OR1S1: variants seen among roughly 807,000 people sequenced by gnomAD.
The protein encoded by OR1S1 is olfactory receptor 1S1.
For missense variants in OR1S1, 411 were observed against 367.5 expected (o/e 1.12, Z -0.97); for synonymous variants, 156 against 143.9 (o/e 1.08, Z -0.60).
exon 2 of OR1S1, chr11:58,215,071 C>A (rs1405842772): frequency 1.2e-6 from 2 of 1,614,016 alleles, no homozygotes; most frequent in African/African-American, 1.3e-5. Context: ...CTTATGAGAG[C>A]TGCATCACAC....
exon 2 of OR1S1, chr11:58,215,147 C>G (rs569766890): frequency 6.2e-7 from 1 of 1,614,118 alleles, no homozygotes; most frequent in Non-Finnish European, 8.5e-7. Context: ...GGCCTATGAC[C>G]ACTTTGTGGC....
chr11:58,215,976 G>A, exon 2 of OR1S1: 2 of 464,612 alleles, frequency 4.3e-6, no homozygotes, highest in Non-Finnish European at 7.7e-6. Flanking sequence ...CCCAGGGGTG[G>A]GAAGATGGAA....
exon 2 of OR1S1, chr11:58,215,333 C>T (rs1355495365): frequency 1.9e-6 from 3 of 1,613,612 alleles, no homozygotes; most frequent in South Asian, 1.1e-5. Context: ...CTTGGCCCCT[C>T]TGCTCAAACT....
chr11:58,215,017 C>A, exon 2 of OR1S1: 2 of 1,614,152 alleles, frequency 1.2e-6, no homozygotes, highest in Non-Finnish European at 1.7e-6. Context: ...CCAACTCAGT[C>A]CCCAAAATGC....
chr11:58,215,244 T>G (rs1186047386), exon 2 of OR1S1: 2 of 1,614,026 alleles, frequency 1.2e-6, no homozygotes, highest in South Asian at 2.2e-5. Flanking sequence ...CTCAGTAATA[T>G]TATTGCTCTG....
At chr11:58,215,257 A>C in exon 2 of OR1S1, 2 of 1,613,706 alleles carry the variant, frequency 1.2e-6, no homozygotes, top group Non-Finnish European at 1.7e-6. Context: ...TTGCTCTGAC[A>C]CACACCCTTC....
chr11:58,215,724 G>A (rs1258937174), exon 2 of OR1S1: 2 of 1,607,930 alleles, frequency 1.2e-6, no homozygotes, highest in African/African-American at 2.7e-5. Flanking sequence ...TCCCTTTGAT[G>A]CCCTGGACCT....
exon 2 of OR1S1, chr11:58,215,050 T>C (rs367962921): frequency 2.9e-5 from 46 of 1,613,714 alleles, no homozygotes; most frequent in African/African-American, 1.1e-4. Context: ...AAACCAAGAG[T>C]CAATCCATCT....
At chr11:58,215,526 T>A in exon 2 of OR1S1, 1 of 1,614,006 alleles carries the variant, frequency 6.2e-7, no homozygotes, top group Non-Finnish European at 8.5e-7. Context: ...CTGACAGTTG[T>A]ATTACTGTTC....
exon 2 of OR1S1, chr11:58,215,600 A>T (rs369152949): frequency 6.2e-7 from 1 of 1,614,050 alleles, no homozygotes; most frequent in African/African-American, 1.3e-5. Flanking sequence ...CACTGATAAG[A>T]TTGGTGCTGT....
intron 1 of OR1S1, among the ~76,000 whole-genome samples, chr11:58,213,175 T>G (rs1854976213): frequency 6.6e-6 from 1 of 152,180 alleles, no homozygotes; most frequent in South Asian, 2.1e-4. Flanking sequence ...AGAAAATCTT[T>G]GAGAGATAAG....
chr11:58,213,841 A>T (rs757481793), intron 1 of OR1S1, among the ~76,000 whole-genome samples: 1 of 151,982 alleles, frequency 6.6e-6, no homozygotes, highest in Non-Finnish European at 1.5e-5. Flanking sequence ...TCTCTTTAAG[A>T]TCTCTCTTTC....
chr11:58,215,200 G>T lies in OR1S1; in HGVS notation c.417G>T (p.Arg139Ser), dbSNP rs370722638. 70 of 1,614,098 alleles carry T rather than the reference G, an allele frequency of 4.3e-5. No individual in the cohort carries two copies. Among genetic ancestry groups the T allele is most frequent in the Non-Finnish European group, 5.7e-5 (67 of 1,180,012 alleles). The change falls in exon 2 of 2, where the codon AGG becomes AGT. Residue 139 changes from arginine (R) to serine (S), a missense_variant. Transcript: ENST00000641544. ...ATTATACAATTCTCATGCGGCCCAGGTTCGGCATTTTGCTCACAGTCATCT... is the reference window on the plus strand; with the variant it reads ...ATTATACAATTCTCATGCGGCCCAGTTTCGGCATTTTGCTCACAGTCATCT...
exon 2 of OR1S1, chr11:58,214,758 G>T (rs1252184647): frequency 3.1e-6 from 5 of 1,613,432 alleles, no homozygotes; most frequent in African/African-American, 2.7e-5. Context: ...AAGACTTTTA[G>T]TTCCTTTCTT....
chr11:58,214,168 G>A (rs12787110), intron 1 of OR1S1, among the ~76,000 whole-genome samples: 14,018 of 152,118 alleles, frequency 0.092, 719 homozygotes, highest in Middle Eastern at 0.13. Flanking sequence ...ATTTTCTTGA[G>A]GCTAATATGT....
chr11:58,214,933 C>T, exon 2 of OR1S1: 13 of 1,614,138 alleles, frequency 8.1e-6, no homozygotes, highest in Non-Finnish European at 1.1e-5. Context: ...TGGCTATCAG[C>T]TTGGATACGT....
intron 1 of OR1S1, among the ~76,000 whole-genome samples, chr11:58,213,684 A>G (rs1286427330): frequency 1.3e-5 from 2 of 152,190 alleles, no homozygotes; most frequent in African/African-American, 4.8e-5. Flanking sequence ...AAGTGTTCAT[A>G]TCTGTTGCCA....
chr11:58,214,714 A>T lies in OR1S1; in HGVS notation c.-55-15A>T, dbSNP rs375427975. The T allele has an allele frequency of 2.6e-5, 42 of 1,599,858 alleles. No homozygotes were observed. Among genetic ancestry groups the T allele is most frequent in the Non-Finnish European group, 3.6e-5 (42 of 1,171,384 alleles). On this transcript the variant is annotated splice_polypyrimidine_tract_variant and intron_variant, in intron 1 of 1. Transcript: ENST00000641544. ...GACTTACTGCAATGGCTGCAGCCAA[A>T]TGATACCATGTTAGGTTTTCTTGTA...
At chr11:58,214,214 T>C (rs1966838) in intron 1 of OR1S1, among the ~76,000 whole-genome samples, 65,337 of 152,040 alleles carry the variant, frequency 0.43, 14,898 homozygotes, top group East Asian at 0.8. Context: ...TTGCTCCTTC[T>C]TGTACTCATT....
Sources: gnomAD v4.1 joint callset for allele counts (sites outside exome capture counted in the v4.1 genomes callset) on GRCh38, gnomAD v4.1.1 for gene constraint, MANE v1.5 for transcripts, NCBI Gene and HGNC (gene_info 2026-07-23, HGNC 2026-07-21) for gene names.